PTPRD: variants seen among roughly 807,000 people sequenced by gnomAD.
The protein encoded by PTPRD is protein tyrosine phosphatase receptor type D.
In PTPRD, 34 loss-of-function variants were observed where a neutral mutation model predicts 214.5. That is an observed-to-expected ratio of 0.16 (90% CI 0.12 to 0.21). PTPRD has a LOEUF of 0.21. Ranked by LOEUF, PTPRD falls within the 10% of genes least tolerant of loss-of-function variation. PTPRD has a pLI of 1.00. For synonymous variants in PTPRD, 1,128 were observed against 845.7 expected (o/e 1.33, Z -5.79); for missense variants, 2,545 against 2,398.7 (o/e 1.06, Z -1.27).
intron 11 of PTPRD, among the ~76,000 whole-genome samples, chr9:8,927,548 T>G (rs563260932): frequency 6.6e-6 from 1 of 152,318 alleles, no homozygotes; most frequent in Non-Finnish European, 1.5e-5. Flanking sequence ...TCATCCTTTT[T>G]TTGGCTGCAT....
intron 12 of PTPRD, among the ~76,000 whole-genome samples, chr9:8,716,958 G>C (rs2098443343): frequency 1.3e-5 from 2 of 152,130 alleles, no homozygotes; most frequent in South Asian, 2.1e-4. Flanking sequence ...TTAAGCCCAA[G>C]AGTTCAAGAC....
chr9:10,281,164 G>A (rs530817998), intron 3 of PTPRD, among the ~76,000 whole-genome samples: 5 of 152,062 alleles, frequency 3.3e-5, no homozygotes, highest in East Asian at 3.9e-4. Context: ...AATAACAAAT[G>A]AAAAGAAACA....
chr9:10,410,820 T>A (rs1176505205), intron 2 of PTPRD, among the ~76,000 whole-genome samples: 5 of 151,828 alleles, frequency 3.3e-5, no homozygotes, highest in Admixed American at 3.3e-4. Context: ...TTTCACACAC[T>A]GTTTTACTGA....
chr9:10,468,313 T>C (rs1409985320), intron 2 of PTPRD, among the ~76,000 whole-genome samples: 1 of 152,130 alleles, frequency 6.6e-6, no homozygotes, highest in Non-Finnish European at 1.5e-5. Flanking sequence ...TGGAATACTA[T>C]GCAGCCATAA....
At chr9:9,862,840 C>G (rs78990320) in intron 5 of PTPRD, among the ~76,000 whole-genome samples, 3 of 152,136 alleles carry the variant, frequency 2.0e-5, no homozygotes, top group African/African-American at 7.2e-5. Context: ...TTAAGTCTTT[C>G]TGTATACATT....
chr9:9,530,828 A>G lies in PTPRD; in HGVS notation c.-237+43904T>C, dbSNP rs993730544. Among the ~76,000 whole-genome samples the G allele has an allele frequency of 2.0e-5, 3 of 152,158 alleles. No homozygotes were observed. In the East Asian group the frequency reaches 5.8e-4, roughly 29 times the overall value. ...TTTCACTCATATGTCAGGGCTAAAA[A>G]TGCTGATCTCAGGGAGGTAGAGAAC... On this transcript the variant is annotated intron_variant, in intron 8 of 45. Transcript: ENST00000381196.
intron 14 of PTPRD, among the ~76,000 whole-genome samples, chr9:8,536,126 T>TA (rs1050150641): frequency 4.2e-4 from 64 of 152,070 alleles, no homozygotes; most frequent in African/African-American, 1.3e-3. Flanking sequence ...CTACATGTAG[T>TA]AAAAAATTAA....
chr9:8,674,863 GT>G (rs1228908418), intron 12 of PTPRD, among the ~76,000 whole-genome samples: 2 of 151,956 alleles, frequency 1.3e-5, no homozygotes, highest in African/African-American at 2.4e-5. Flanking sequence ...TTTGTTTGGG[GT>G]TTTTTTGCTT....
chr9:10,035,303 A>T (rs564343324), intron 3 of PTPRD, among the ~76,000 whole-genome samples: 65 of 151,652 alleles, frequency 4.3e-4, no homozygotes, highest in Non-Finnish European at 9.0e-4. Flanking sequence ...TTTCTTGTAA[A>T]TTTGTTTATG....
At chr9:9,832,665 T>TA (rs1274697523) in intron 5 of PTPRD, among the ~76,000 whole-genome samples, 1 of 151,956 alleles carries the variant, frequency 6.6e-6, no homozygotes, top group Non-Finnish European at 1.5e-5. Context: ...AGGAAGCTTT[T>TA]AAAAAGAGTT....
At chr9:9,643,678 G>C (rs144419964) in intron 7 of PTPRD, among the ~76,000 whole-genome samples, 5 of 152,214 alleles carry the variant, frequency 3.3e-5, no homozygotes, top group African/African-American at 1.2e-4. Context: ...TAAAAAGCTT[G>C]AAAAAGCCCT....
At chr9:9,280,398 A>T (rs1057327652) in intron 9 of PTPRD, among the ~76,000 whole-genome samples, 2 of 151,254 alleles carry the variant, frequency 1.3e-5, no homozygotes, top group African/African-American at 4.8e-5. Flanking sequence ...CTACAAAAAA[A>T]CTCTTCCTGA....
At chr9:8,983,524 C>G (rs780898638) in intron 11 of PTPRD, among the ~76,000 whole-genome samples, 1 of 151,682 alleles carries the variant, frequency 6.6e-6, no homozygotes, top group Non-Finnish European at 1.5e-5. Context: ...CCTCCCCCCG[C>G]TTTTGTTTTG....
intron 5 of PTPRD, among the ~76,000 whole-genome samples, chr9:9,787,081 G>A (rs1225074679): frequency 2.0e-5 from 3 of 151,778 alleles, no homozygotes; most frequent in Non-Finnish European, 4.4e-5. Context: ...AGGTTGCAGT[G>A]ATCTGAGATC....
intron 11 of PTPRD, among the ~76,000 whole-genome samples, chr9:9,017,422 G>C (rs1013804669): frequency 6.6e-6 from 1 of 152,122 alleles, no homozygotes; most frequent in Admixed American, 6.6e-5. Context: ...GATAACTACA[G>C]GGTAATTCTA....
chr9:9,406,674 G>A (rs2073522026), intron 8 of PTPRD, among the ~76,000 whole-genome samples: 1 of 151,914 alleles, frequency 6.6e-6, no homozygotes, highest in African/African-American at 2.4e-5. Context: ...TGAGAGCAGG[G>A]AGCAGGATTG....
At chr9:10,054,376 G>A (rs913970831) in intron 3 of PTPRD, among the ~76,000 whole-genome samples, 3 of 152,104 alleles carry the variant, frequency 2.0e-5, no homozygotes, top group South Asian at 4.1e-4. Flanking sequence ...TGTTTTTAAA[G>A]ATGGGATTGC....
chr9:9,430,506 C>T (rs1435667619), intron 8 of PTPRD, among the ~76,000 whole-genome samples: 1 of 152,038 alleles, frequency 6.6e-6, no homozygotes, highest in Non-Finnish European at 1.5e-5. Context: ...CAATGCCATC[C>T]CCATGAAGCT....
intron 10 of PTPRD, among the ~76,000 whole-genome samples, chr9:9,113,001 G>C (rs1483133959): frequency 6.7e-6 from 1 of 148,162 alleles, no homozygotes; most frequent in Non-Finnish European, 1.5e-5. Flanking sequence ...GTCTCTTTCT[G>C]TCACCTAGGC....
Sources: gnomAD v4.1 joint callset for allele counts (sites outside exome capture counted in the v4.1 genomes callset) on GRCh38, gnomAD v4.1.1 for gene constraint, MANE v1.5 for transcripts, NCBI Gene and HGNC (gene_info 2026-07-23, HGNC 2026-07-21) for gene names.